The following PPARA variants were observed in gnomAD, a reference collection of about 807,000 sequenced individuals.
PPARA encodes peroxisome proliferator-activated receptor alpha.
PPARA carries 22 observed loss-of-function variants against 42.2 expected under a neutral mutation model. The observed-to-expected ratio is 0.52, with a 90% CI of 0.37 to 0.74. PPARA has a LOEUF of 0.74. Ranked by LOEUF, PPARA falls within the 30% of genes least tolerant of loss-of-function variation. The pLI is 0.00. For synonymous variants in PPARA, 242 were observed against 239.3 expected (o/e 1.01, Z -0.10); for missense variants, 465 against 608.2 (o/e 0.76, Z 2.48).
At chr22:46,228,149 C>G (rs1008746546) in intron 7 of PPARA, among the ~76,000 whole-genome samples, 6 of 152,216 alleles carry the variant, frequency 3.9e-5, no homozygotes, top group African/African-American at 1.4e-4. Flanking sequence ...CAGGGGCATG[C>G]AAGCTGTTTA....
Position 46,154,666 on chromosome 22 carries a change from TTTA to T in PPARA, c.-127+2699_-127+2701del, listed in dbSNP as rs559365348. Among the ~76,000 whole-genome samples the T allele has an allele frequency of 5.1e-4, 77 of 151,884 alleles. No individual in the cohort carries two copies. In the South Asian group the frequency reaches 0.015, roughly 29 times the overall value. On this transcript the variant is annotated intron_variant, in intron 2 of 8. Coordinates refer to ENST00000407236, the MANE Select transcript of PPARA (RefSeq NM_005036.6). ...ATCATCTTTAAGCAGTGTTTTTAAT[TTTA>T]TTTATTTATTTATTTATTTTTGAGA...
Position 46,191,836 on chromosome 22 carries a change from G to A in PPARA, c.-42-6506G>A, listed in dbSNP as rs984958919. 1.3e-5 allele frequency among the ~76,000 whole-genome samples: 2 copies of A among 152,206 alleles called. No homozygotes were observed. The highest frequency in any genetic ancestry group is 4.8e-5 in the African/African-American group (2 of 41,446). On this transcript the variant is annotated intron_variant, in intron 3 of 8. Transcript: ENST00000407236. The surrounding 1 kb of genome is among the most constrained non-coding windows in gnomAD (Gnocchi z 4.6). ...TAATCCCAGCACTTTGGGAGGCTGA[G>A]GCGGGCAGATCACGAGGTCAAGAGA...
Position 46,220,013 on chromosome 22 carries a change from C to T in PPARA, c.710C>T (p.Pro237Leu), listed in dbSNP as rs2094096368. 1 of 1,613,962 alleles carries T rather than the reference C, an allele frequency of 6.2e-7. No individual in the cohort carries two copies. The highest frequency in any genetic ancestry group is 8.5e-7 in the Non-Finnish European group (1 of 1,180,022). ...VILSGKASNN[P>L]PFVIHDMETL... Reference sequence around the variant, plus strand: ...CTCTCAGGAAAGGCCAGTAACAATCCAGTAGGTGTTTGCGGCTGTTCTGGG... The same window carrying T: ...CTCTCAGGAAAGGCCAGTAACAATCTAGTAGGTGTTTGCGGCTGTTCTGGG... The change falls in exon 7 of 9, where the codon CCA becomes CTA. Residue 237 changes from proline to leucine, a missense_variant and splice_region_variant. Pro to Leu is a moderately conservative substitution (Grantham distance 98). Coordinates refer to ENST00000407236, the MANE Select transcript of PPARA (RefSeq NM_005036.6).
intron 3 of PPARA, among the ~76,000 whole-genome samples, chr22:46,185,511 C>T (rs998123783): frequency 1.3e-5 from 2 of 152,080 alleles, no homozygotes; most frequent in Non-Finnish European, 2.9e-5. Context: ...AGCAGAAGTA[C>T]ATTCAGAACT....
Position 46,215,297 on chromosome 22 carries a change from C to T in PPARA, c.333C>T (p.Gly111=). The T allele has an allele frequency of 6.2e-7, 1 of 1,614,168 alleles. No homozygotes were observed. Among genetic ancestry groups the T allele is most frequent in the Non-Finnish European group, 8.5e-7 (1 of 1,180,042 alleles). ...ECRICGDKAS[G]YHYGVHACEG... ...GAATCTGCGGGGACAAGGCCTCAGG[C>T]TATCATTACGGAGTCCACGCGTGTG... Residue 111 remains glycine (G), a synonymous_variant, in exon 5 of 9, where the codon GGC becomes GGT. Transcript: ENST00000407236.
chr22:46,220,187 A>G, intron 7 of PPARA, 173 bp downstream of exon 7: 2 of 797,280 alleles, frequency 2.5e-6, no homozygotes, highest in Non-Finnish European at 4.2e-6. Context: ...TAGCTTAACA[A>G]CAACTCCTTT....
intron 2 of PPARA, among the ~76,000 whole-genome samples, chr22:46,172,015 G>A (rs978450742): frequency 6.6e-6 from 1 of 152,164 alleles, no homozygotes; most frequent in East Asian, 1.9e-4. Context: ...CGCGTTGGGT[G>A]TAGGAAGACC....
At chr22:46,202,886 C>T (rs1010480044) in intron 4 of PPARA, among the ~76,000 whole-genome samples, 1 of 149,842 alleles carries the variant, frequency 6.7e-6, no homozygotes, top group South Asian at 2.1e-4. Flanking sequence ...AAATAAATAG[C>T]GAGGGTTCAG....
rs1851077113 is a variant in PPARA, at chr22:46,191,115, C to T, written c.-42-7227C>T. Among the ~76,000 whole-genome samples, 2 of 152,044 alleles carry T rather than the reference C, an allele frequency of 1.3e-5. No homozygotes were observed. Among genetic ancestry groups the T allele is most frequent in the African/African-American group, 4.8e-5 (2 of 41,398 alleles). On this transcript the variant is annotated intron_variant, in intron 3 of 8. Transcript: ENST00000407236. The surrounding 1 kb of genome is among the most constrained non-coding windows in gnomAD (Gnocchi z 4.6). ...GGCTGAGGCACGAGAATCGCTTGAACCCGGGAGGCGTGGGGTTGCAGTGAG... is the reference window on the plus strand; with the variant it reads ...GGCTGAGGCACGAGAATCGCTTGAATCCGGGAGGCGTGGGGTTGCAGTGAG...
At position 46,232,573 on chromosome 22, in the gene PPARA, G is replaced by C. The variant is rs546278054; in HGVS notation, c.1159+334G>C. 6.6e-6 allele frequency among the ~76,000 whole-genome samples: 1 copy of C among 151,866 alleles called. No individual in the cohort carries two copies. Among genetic ancestry groups the C allele is most frequent in the Non-Finnish European group, 1.5e-5 (1 of 67,986 alleles). On this transcript the variant is annotated intron_variant, in intron 8 of 8. Transcript: ENST00000407236. This position sits in a 1 kb window ranked among gnomAD's most constrained non-coding sequence, Gnocchi z 5.3. ...GTAGACTGAGGCAAAAGGATCTCTT[G>C]AGCCCAGGAGTTCAGGTTGCAATGA... is the stretch of plus-strand genomic sequence containing the variant.
rs1931841200 is a variant in PPARA at position 46,193,578 on chromosome 22, C to T, written c.-42-4764C>T. ...ATAAATATATACACTGAGTATATAC[C>T]ACAAATATTTTAAATAATTTTTAAA... On this transcript the variant is annotated intron_variant, in intron 3 of 8. Coordinates refer to ENST00000407236, the MANE Select transcript of PPARA (RefSeq NM_005036.6). The surrounding 1 kb of genome is among the most constrained non-coding windows in gnomAD (Gnocchi z 5.3). Among the ~76,000 whole-genome samples the T allele has an allele frequency of 6.6e-6, 1 of 151,836 alleles. No homozygotes were observed. The highest frequency in any genetic ancestry group is 2.1e-4 in the South Asian group (1 of 4,806).
intron 3 of PPARA, among the ~76,000 whole-genome samples, 183 bp downstream of exon 3, chr22:46,177,019 G>A (rs758613943): frequency 3.3e-5 from 5 of 152,144 alleles, no homozygotes; most frequent in Non-Finnish European, 5.9e-5. Context: ...GACCATCCTG[G>A]CTAACACAGT....
chr22:46,186,926 CAAT>C (rs1281726499), intron 3 of PPARA, among the ~76,000 whole-genome samples: 5 of 152,106 alleles, frequency 3.3e-5, no homozygotes, highest in Admixed American at 6.5e-5. Flanking sequence ...AGACTAACAA[CAAT>C]GATAATAAAA....
At chr22:46,217,165 CA>C (rs1440342353) in intron 5 of PPARA, among the ~76,000 whole-genome samples, 2 of 152,106 alleles carry the variant, frequency 1.3e-5, no homozygotes, top group Non-Finnish European at 2.9e-5. Flanking sequence ...TCAGCCTCCC[CA>C]CTGTGCAAGC....
intron 4 of PPARA, among the ~76,000 whole-genome samples, chr22:46,199,663 C>T (rs1282150746): frequency 1.3e-5 from 2 of 152,068 alleles, no homozygotes; most frequent in South Asian, 2.1e-4. Context: ...TTTTAAGCAA[C>T]ATTGAATGAA....
In PPARA at chr22:46,184,747, C is replaced by T. The variant is rs148590053; in HGVS notation, c.-43+7911C>T. On this transcript the variant is annotated intron_variant, in intron 3 of 8. Coordinates refer to ENST00000407236, the MANE Select transcript of PPARA (RefSeq NM_005036.6). The surrounding 1 kb of genome is among the most constrained non-coding windows in gnomAD (Gnocchi z 4.4). ...GCGCACGCCTGTAGTACCAGCTATT[C>T]GGGAGGCTGAGGCACGAGAATTGCT... is the stretch of plus-strand genomic sequence containing the variant. Among the ~76,000 whole-genome samples, 118 of 152,246 alleles carry T rather than the reference C, an allele frequency of 7.8e-4. No individual in the cohort carries two copies. The highest frequency in any genetic ancestry group is 2.5e-3 in the African/African-American group (105 of 41,548).
chr22:46,214,509 T>C (rs567536533), intron 4 of PPARA, among the ~76,000 whole-genome samples: 106 of 120,404 alleles, frequency 8.8e-4, no homozygotes, highest in African/African-American at 3.3e-3. Context: ...TCCGGAAATG[T>C]GCAGAGCGGA....
Position 46,192,536 on chromosome 22 carries a change from G to T in PPARA, c.-42-5806G>T, listed in dbSNP as rs768840979. Among the ~76,000 whole-genome samples, 1 of 151,988 alleles carries T rather than the reference G, an allele frequency of 6.6e-6. No individual in the cohort carries two copies. Among genetic ancestry groups the T allele is most frequent in the Non-Finnish European group, 1.5e-5 (1 of 68,016 alleles). On this transcript the variant is annotated intron_variant, in intron 3 of 8. Transcript: ENST00000407236. The surrounding 1 kb of genome is among the most constrained non-coding windows in gnomAD (Gnocchi z 4.3). ...CAATTTTCATATACTCTGTTTCATC[G>T]TTCTCAAAGGAATATTTTGATTGAT...
rs1231934546 is a variant in PPARA at position 46,200,931 on chromosome 22, A to T, written c.208+2340A>T. 1.4e-5 allele frequency among the ~76,000 whole-genome samples: 2 copies of T among 143,770 alleles called. No individual in the cohort carries two copies. Among genetic ancestry groups the T allele is most frequent in the East Asian group, 4.2e-4 (2 of 4,718 alleles). The allele number at this position is 143,770 out of a possible 152,430, so 94.3% of individuals were successfully genotyped here. A position where few individuals can be genotyped will look rare whatever the true frequency, so the allele number is the denominator to read the frequency against. ...AGGGTGAGACTCCATCTCAAAAAAAAGTTGGGGCGTGGTGGCTCATGCCTG... is the reference window on the plus strand; with the variant it reads ...AGGGTGAGACTCCATCTCAAAAAAATGTTGGGGCGTGGTGGCTCATGCCTG... On this transcript the variant is annotated intron_variant, in intron 4 of 8. Transcript: ENST00000407236. This position sits in a 1 kb window ranked among gnomAD's most constrained non-coding sequence, Gnocchi z 4.8.
Sources: gnomAD v4.1 joint callset for allele counts (sites outside exome capture counted in the v4.1 genomes callset) on GRCh38, gnomAD v4.1.1 for gene constraint, Gnocchi (gnomAD v3.1) non-coding constraint, MANE v1.5 for transcripts, NCBI Gene and HGNC (gene_info 2026-07-23, HGNC 2026-07-21) for gene names.